Variants in PDZRN3 observed in about 807,000 individuals in gnomAD.
PDZRN3 encodes the protein PDZ domain containing ring finger 3.
A neutral mutation model predicts 85.7 loss-of-function variants in PDZRN3; 38 were observed. That is an observed-to-expected ratio of 0.44 (90% CI 0.34 to 0.58). The LOEUF is 0.58. Among genes scored for constraint, PDZRN3 ranks in the 20% least tolerant of loss-of-function variants. PDZRN3 has a pLI of 0.01. For synonymous variants in PDZRN3, 759 were observed against 638.0 expected, an observed-to-expected ratio of 1.19 and a Z score of -2.86; for missense variants, 1,629 against 1,506.4, an observed-to-expected ratio of 1.08 and a Z score of -1.35.
In PDZRN3 at chr3:73,384,931, C is replaced by G; in HGVS notation, c.1636-1G>C. ...TCCCACCGTCTTCGTCGTGCTTCTTCTGCATAAACACAAGAACAAAGGGTC... is the reference window on the plus strand; with the variant it reads ...TCCCACCGTCTTCGTCGTGCTTCTTGTGCATAAACACAAGAACAAAGGGTC... On this transcript the variant is annotated splice_acceptor_variant, in intron 9 of 9. Transcript: ENST00000263666. LOFTEE classifies it high-confidence loss of function. 6.3e-7 allele frequency: 1 copy of G among 1,592,702 alleles called. No individual in the cohort carries two copies. The highest frequency in any genetic ancestry group is 8.6e-7 in the Non-Finnish European group (1 of 1,168,738).
intron 3 of PDZRN3, among the ~76,000 whole-genome samples, chr3:73,458,649 G>A (rs542169443): frequency 1.3e-5 from 2 of 150,450 alleles, no homozygotes; most frequent in East Asian, 3.9e-4. Context: ...GTATTAGTCC[G>A]TTCTCACACC....
At chr3:73,600,024 T>C (rs1702488386) in intron 3 of PDZRN3, among the ~76,000 whole-genome samples, 1 of 152,182 alleles carries the variant, frequency 6.6e-6, no homozygotes, top group African/African-American at 2.4e-5. Flanking sequence ...CACCACAGTA[T>C]TGGTGGAATT....
chr3:73,601,824 T>G (rs1403650642), intron 3 of PDZRN3, among the ~76,000 whole-genome samples: 1 of 152,186 alleles, frequency 6.6e-6, no homozygotes, highest in East Asian at 1.9e-4. Context: ...ATGTGAACCC[T>G]AATATCAACC....
At position 73,401,147 on chromosome 3, in the gene PDZRN3, G is replaced by T. The variant is rs1701740629; in HGVS notation, c.1167-138C>A. ...TCATGACTCACTTCCCTCTGGATGG[G>T]GCTCTCAGCACGGTCAGGACCTCCA... On this transcript the variant is annotated intron_variant, in intron 4 of 9. Coordinates refer to ENST00000263666, the MANE Select transcript of PDZRN3 (RefSeq NM_015009.3). 4.5e-6 allele frequency: 3 copies of T among 663,188 alleles called. No individual in the cohort carries two copies. In the South Asian group the frequency reaches 5.1e-5, roughly 11 times the overall value. The allele number at this position is 663,188 out of a possible 1,614,324, so 41.1% of individuals were successfully genotyped here.
chr3:73,575,099 A>G (rs576831392), intron 3 of PDZRN3, among the ~76,000 whole-genome samples: 2 of 152,374 alleles, frequency 1.3e-5, no homozygotes, highest in African/African-American at 4.8e-5. Flanking sequence ...CACAAAAATT[A>G]GTATTTCTGT....
Position 73,541,359 on chromosome 3 carries a change from A to C in PDZRN3, c.918+60995T>G, listed in dbSNP as rs898521095. Among the ~76,000 whole-genome samples, 3 of 152,364 alleles carry C rather than the reference A, an allele frequency of 2.0e-5. No individual in the cohort carries two copies. The East Asian group carries it at 5.8e-4, about 29-fold the overall frequency. ...TGCCCAATATAGCTAACATTTATTG[A>C]GTACTCTTTAGGTCAGACAGTGGTC... On this transcript the variant is annotated intron_variant, in intron 3 of 9. Coordinates refer to ENST00000263666, the MANE Select transcript of PDZRN3 (RefSeq NM_015009.3).
chr3:73,602,067 G>T (rs1702523166), intron 3 of PDZRN3, among the ~76,000 whole-genome samples: 1 of 152,136 alleles, frequency 6.6e-6, no homozygotes, highest in Admixed American at 6.6e-5. Context: ...CTCTTCAACG[G>T]TTTTCGCGCG....
intron 3 of PDZRN3, among the ~76,000 whole-genome samples, chr3:73,474,845 T>C (rs975105231): frequency 6.6e-6 from 1 of 152,100 alleles, no homozygotes; most frequent in Admixed American, 6.5e-5. Flanking sequence ...TGCAGCCTCA[T>C]AACACAGTCC....
chr3:73,391,907 G>A (rs534287442), intron 5 of PDZRN3, among the ~76,000 whole-genome samples: 2 of 152,218 alleles, frequency 1.3e-5, no homozygotes, highest in South Asian at 2.1e-4. Context: ...GAAGGGCCAC[G>A]TGATAAGTTC....
At chr3:73,600,522 T>C (rs1015361290) in intron 3 of PDZRN3, among the ~76,000 whole-genome samples, 1 of 152,172 alleles carries the variant, frequency 6.6e-6, no homozygotes, top group African/African-American at 2.4e-5. Flanking sequence ...ATTATACATA[T>C]ATCGTTTCTC....
At chr3:73,458,817 C>T (rs1703040896) in intron 3 of PDZRN3, among the ~76,000 whole-genome samples, 2 of 151,126 alleles carry the variant, frequency 1.3e-5, no homozygotes, top group Admixed American at 1.3e-4. Context: ...TGGTGAAACC[C>T]CATCTCTACT....
chr3:73,614,994 A>G (rs1486852832), intron 1 of PDZRN3, among the ~76,000 whole-genome samples: 3 of 152,120 alleles, frequency 2.0e-5, no homozygotes, highest in Admixed American at 2.0e-4. Context: ...TTGAAATTGG[A>G]TGAGACACTC....
intron 3 of PDZRN3, among the ~76,000 whole-genome samples, chr3:73,577,861 T>C (rs1435648906): frequency 6.6e-6 from 1 of 152,220 alleles, no homozygotes; most frequent in South Asian, 2.1e-4. Flanking sequence ...TGGAGCCAGA[T>C]CTAGCCCAAA....
intron 3 of PDZRN3, among the ~76,000 whole-genome samples, chr3:73,457,608 A>T (rs1457633646): frequency 6.6e-6 from 1 of 152,048 alleles, no homozygotes; most frequent in Non-Finnish European, 1.5e-5. Context: ...ATCATTTTGC[A>T]AGCCCAGTAC....
chr3:73,383,114 T>C lies in PDZRN3; in HGVS notation c.*251A>G, dbSNP rs1191223328. ...AACACTTTATGTAAAAGGGTACAGG[T>C]AGAAAAGTACAATTGCTATTTGAAA... On this transcript the variant is annotated 3_prime_UTR_variant, in exon 10 of 10. Transcript: ENST00000263666. 2.3e-6 allele frequency: 1 copy of C among 426,682 alleles called. No individual in the cohort carries two copies. Among genetic ancestry groups the C allele is most frequent in the African/African-American group, 2.0e-5 (1 of 49,816 alleles). 26.4% of individuals were successfully genotyped at this position (426,682 alleles called of 1,614,324 possible).
chr3:73,448,542 G>A (rs1021079568), intron 3 of PDZRN3, among the ~76,000 whole-genome samples: 17 of 152,116 alleles, frequency 1.1e-4, no homozygotes, highest in African/African-American at 4.1e-4. Context: ...TCTACTTAGG[G>A]CATCAGAAAA....
At chr3:73,392,156 G>A (rs1277015387) in intron 5 of PDZRN3, among the ~76,000 whole-genome samples, 1 of 152,210 alleles carries the variant, frequency 6.6e-6, no homozygotes, top group African/African-American at 2.4e-5. Flanking sequence ...CAGGCGCCAC[G>A]GACACTTCCC....
chr3:73,496,975 C>T (rs1025625227), intron 3 of PDZRN3, among the ~76,000 whole-genome samples: 7 of 152,154 alleles, frequency 4.6e-5, no homozygotes, highest in Non-Finnish European at 8.8e-5. Flanking sequence ...TTTTGAGATT[C>T]GCACGTGTGC....
At chr3:73,490,608 A>C (rs1256052834) in intron 3 of PDZRN3, among the ~76,000 whole-genome samples, 1 of 152,222 alleles carries the variant, frequency 6.6e-6, no homozygotes, top group African/African-American at 2.4e-5. Context: ...AATGTGAGCA[A>C]TGGCAACAAA....
Sources: allele counts gnomAD v4.1 joint callset (sites outside exome capture counted in the v4.1 genomes callset), GRCh38; gene constraint gnomAD v4.1.1; transcripts MANE v1.5; gene names NCBI Gene and HGNC (gene_info 2026-07-23, HGNC 2026-07-21).